Variants in CHST15 observed in about 807,000 individuals in gnomAD.
The protein encoded by CHST15 is B cell RAG associated protein (GALNAC4S-6ST).
A neutral mutation model predicts 53.6 loss-of-function variants in CHST15; 30 were observed. The observed-to-expected ratio is 0.56, with a 90% confidence interval of 0.42 to 0.76. The LOEUF (loss-of-function observed/expected upper bound fraction) is 0.76. Among genes scored for constraint, CHST15 ranks in the 30% least tolerant of loss-of-function variants. The pLI is 0.00. For missense variants in CHST15, 627 were observed against 740.5 expected (o/e 0.85, Z 1.78); for synonymous variants, 296 against 289.8 (o/e 1.02, Z -0.22).
Position 124,010,181 on chromosome 10 carries a change from C to T in CHST15, c.1654G>A (p.Ala552Thr), listed in dbSNP as rs767648594. ...GTCTTCCACGCAAACGCCTCATCCG[C>T]GAGGACCTGCGCCAGCCTAGCGTTG... ...PFNARLAQVL[A>T]DEAFAWKTT Residue 552 changes from alanine to threonine, a missense_variant, in exon 8 of 8, where the codon GCG becomes ACG. Physicochemically the swap from Ala to Thr is moderately conservative, Grantham distance 58. Transcript: ENST00000435907. 1.2e-5 allele frequency: 20 copies of T among 1,613,580 alleles called. No homozygotes were observed. The highest frequency in any genetic ancestry group is 1.7e-5 in the Admixed American group (1 of 60,028).
Position 124,046,504 on chromosome 10 carries a change from G to T in CHST15, c.-292C>A. On this transcript the variant is annotated 5_prime_UTR_variant, in exon 2 of 8. Coordinates refer to ENST00000435907, the MANE Select transcript of CHST15 (RefSeq NM_001270764.2). ...CACAAGTTCGGGAGCAGCTCTGCCT[G>T]CCCTTCAGGTTTTTCCCATGGCACA... 1 of 306,140 alleles carries T rather than the reference G, an allele frequency of 3.3e-6. No individual in the cohort carries two copies. The allele number at this position is 306,140 out of a possible 1,614,324, so 19.0% of individuals were successfully genotyped here.
At chr10:124,069,828 T>C (rs985664205) in intron 1 of CHST15, among the ~76,000 whole-genome samples, 3 of 152,210 alleles carry the variant, frequency 2.0e-5, no homozygotes, top group African/African-American at 7.2e-5. Context: ...TTAACAGTTC[T>C]GCGCTCCAGG....
At position 124,008,421 on chromosome 10, in the gene CHST15, T is replaced by C. The variant is rs1946326734; in HGVS notation, c.*1728A>G. The C allele has an allele frequency of 1.1e-5, 11 of 994,366 alleles. No individual in the cohort carries two copies. The highest frequency in any genetic ancestry group is 5.8e-5 in the Admixed American group (1 of 17,386). 61.6% of individuals were successfully genotyped at this position (994,366 alleles called of 1,614,324 possible). ...GAAGTGATCTCTCCCTAAAGCATCCTTGTGCTCAGGCCAGATTTCCCTGCT... is the reference window on the plus strand; with the variant it reads ...GAAGTGATCTCTCCCTAAAGCATCCCTGTGCTCAGGCCAGATTTCCCTGCT... On this transcript the variant is annotated 3_prime_UTR_variant, in exon 8 of 8. Transcript: ENST00000435907.
intron 5 of CHST15, among the ~76,000 whole-genome samples, chr10:124,032,611 A>C (rs1450782623): frequency 6.6e-6 from 1 of 152,210 alleles, no homozygotes; most frequent in Admixed American, 6.5e-5. Context: ...GAATGGGATT[A>C]AATAAAGAAA....
rs1211732795 is a variant in CHST15 at position 124,007,947 on chromosome 10, G to C, written c.*2202C>G. On this transcript the variant is annotated 3_prime_UTR_variant, in exon 8 of 8. Coordinates refer to ENST00000435907, the MANE Select transcript of CHST15 (RefSeq NM_001270764.2). Reference sequence around the variant, plus strand: ...ATTCTGTCAGCAAGAGCCGGGCCTCGAATGAGAGGAAGCAGAGGCAGCCGA... The same window carrying C: ...ATTCTGTCAGCAAGAGCCGGGCCTCCAATGAGAGGAAGCAGAGGCAGCCGA... The C allele has an allele frequency of 5.7e-6, 7 of 1,229,284 alleles. No homozygotes were observed. Among genetic ancestry groups the C allele is most frequent in the Non-Finnish European group, 6.1e-6 (6 of 987,644 alleles). 76.1% of individuals were successfully genotyped at this position (1,229,284 alleles called of 1,614,324 possible). A position where few individuals can be genotyped will look rare whatever the true frequency, so the allele number is the denominator to read the frequency against.
At position 124,045,740 on chromosome 10, in the gene CHST15, C is replaced by G. The variant is rs1391561473; in HGVS notation, c.473G>C (p.Ser158Thr). The G allele has an allele frequency of 1.9e-6, 3 of 1,613,972 alleles. No individual in the cohort carries two copies. The African/African-American group carries it at 4.0e-5, about 22-fold the overall frequency. ...CGTGAACTCAATCCTAGTTGTGATG[C>G]TGTTGATAATTAATTTAATGCTTGG... ...DYPSIKLIINSITTRIEFTTR... is the reference protein window; with the variant it reads ...DYPSIKLIINTITTRIEFTTR... Residue 158 changes from serine to threonine, a missense_variant, in exon 2 of 8, where the codon AGC becomes ACC. Transcript: ENST00000435907.
chr10:124,080,935 GAACAGA>G (rs1358471372), intron 1 of CHST15, among the ~76,000 whole-genome samples: 2 of 152,196 alleles, frequency 1.3e-5, no homozygotes, highest in Admixed American at 1.3e-4. Flanking sequence ...TGTTCTGAAG[GAACAGA>G]TAACCTTCCA....
chr10:124,029,601 G>A (rs1429985515), intron 5 of CHST15, among the ~76,000 whole-genome samples: 1 of 152,216 alleles, frequency 6.6e-6, no homozygotes, highest in African/African-American at 2.4e-5. Context: ...CGAGCCTGGC[G>A]TGGTTTACAA....
intron 1 of CHST15, among the ~76,000 whole-genome samples, chr10:124,067,849 T>G (rs1437564990): frequency 6.6e-6 from 1 of 152,158 alleles, no homozygotes; most frequent in Non-Finnish European, 1.5e-5. Flanking sequence ...ACACCTGATC[T>G]CGTGATCCGC....
In CHST15 at chr10:124,021,245, G is replaced by GC. The variant is rs1554903201; in HGVS notation, c.1347+10_1347+11insG. ...GCCAGCTCGGGGGGTACGGGGGGGG[G>GC]GGGTACACACAGGCATGGCGTTGTT... On this transcript the variant is annotated intron_variant, in intron 6 of 7. Transcript: ENST00000435907. The GC allele has an allele frequency of 1.6e-5, 25 of 1,568,868 alleles. 1 individual carries two copies. In the African/African-American group the frequency reaches 3.0e-4, roughly 19 times the overall value.
intron 1 of CHST15, among the ~76,000 whole-genome samples, chr10:124,090,546 C>T (rs1435176622): frequency 6.6e-6 from 1 of 152,212 alleles, no homozygotes; most frequent in Non-Finnish European, 1.5e-5. Flanking sequence ...AAGTAGAATC[C>T]GCTTCCCACG....
chr10:124,053,247 C>T (rs181464505), intron 1 of CHST15, among the ~76,000 whole-genome samples: 7 of 152,318 alleles, frequency 4.6e-5, no homozygotes, highest in Admixed American at 3.3e-4. Context: ...CTCCACCCTT[C>T]GGTTTGAGTT....
chr10:124,021,246 G>GGA lies in CHST15; in HGVS notation c.1347+9_1347+10insTC. On this transcript the variant is annotated intron_variant, in intron 6 of 7. Coordinates refer to ENST00000435907, the MANE Select transcript of CHST15 (RefSeq NM_001270764.2). ...CCAGCTCGGGGGGTACGGGGGGGGG[G>GGA]GGTACACACAGGCATGGCGTTGTTG... The GGA allele has an allele frequency of 6.4e-7, 1 of 1,562,666 alleles. No homozygotes were observed. The highest frequency in any genetic ancestry group is 8.7e-7 in the Non-Finnish European group (1 of 1,144,760).
intron 5 of CHST15, among the ~76,000 whole-genome samples, chr10:124,032,509 A>G (rs941457788): frequency 6.6e-6 from 1 of 152,202 alleles, no homozygotes; most frequent in Non-Finnish European, 1.5e-5. Context: ...CTGCCTCTGA[A>G]TTAAGAGACA....
intron 5 of CHST15, among the ~76,000 whole-genome samples, chr10:124,034,634 G>T (rs1947359685): frequency 7.4e-6 from 1 of 134,906 alleles, no homozygotes; most frequent in Non-Finnish European, 1.5e-5. Flanking sequence ...ACCCCTGATA[G>T]GTACCCTGGC....
In CHST15 at chr10:124,043,800, A is replaced by C. The variant is rs139271317; in HGVS notation, c.886+780T>G. Among the ~76,000 whole-genome samples the C allele has an allele frequency of 6.3e-3, 962 of 152,376 alleles. 8 individuals carry two copies. Among genetic ancestry groups the C allele is most frequent in the African/African-American group, 0.022 (928 of 41,586 alleles). On this transcript the variant is annotated intron_variant, in intron 3 of 7. Transcript: ENST00000435907. ...CCATAAGGCAGATGGGGCAGGTCAG[A>C]GAAGCTGAGGCCTGAAGCAACTCAG...
At chr10:124,082,947 G>C (rs1949296993) in intron 1 of CHST15, among the ~76,000 whole-genome samples, 1 of 152,186 alleles carries the variant, frequency 6.6e-6, no homozygotes, top group African/African-American at 2.4e-5. Flanking sequence ...GGGAGATAAA[G>C]GGGTGATAGC....
At chr10:124,020,143 GGGACATAGTGGCAAGAA>G (rs1946723091) in intron 6 of CHST15, 1 of 985,412 alleles carries the variant, frequency 1.0e-6, no homozygotes, top group African/African-American at 1.7e-5. Flanking sequence ...CGTCATGCAG[GGGACATAGTGGCAAGAA>G]TGAACGCAGG....
chr10:124,093,154 G>T (rs1949657766), intron 1 of CHST15, among the ~76,000 whole-genome samples: 1 of 152,194 alleles, frequency 6.6e-6, no homozygotes, highest in Non-Finnish European at 1.5e-5. Context: ...TCCCGCTGGG[G>T]ATCGCTGAAG....
Sources: allele counts gnomAD v4.1 joint callset (sites outside exome capture counted in the v4.1 genomes callset), GRCh38; gene constraint gnomAD v4.1.1; transcripts MANE v1.5; gene names NCBI Gene and HGNC (gene_info 2026-07-23, HGNC 2026-07-21).